PARM1: variants seen among roughly 807,000 people sequenced by gnomAD.
The protein encoded by PARM1 is prostate androgen-regulated mucin-like protein 1.
Under a neutral mutation model 24.6 loss-of-function variants are expected in PARM1, and 14 were observed. The ratio of observed to expected loss-of-function variants is 0.57; its 90% confidence interval spans 0.38 to 0.89. PARM1 has a LOEUF of 0.89. PARM1 is among the 40% of genes least tolerant of loss of function. PARM1 has a pLI of 0.00. For synonymous variants in PARM1, 179 were observed against 156.6 expected (o/e 1.14, Z -1.07); for missense variants, 362 against 380.4 (o/e 0.95, Z 0.40).
Position 75,012,684 on chromosome 4 carries a change from C to T in PARM1, c.303C>T (p.Asn101=). 1.2e-6 allele frequency: 2 copies of T among 1,613,990 alleles called. No individual in the cohort carries two copies. Among genetic ancestry groups the T allele is most frequent in the Non-Finnish European group, 1.7e-6 (2 of 1,179,882 alleles). Residue 101 remains asparagine (N), a synonymous_variant, in exon 2 of 4, where the codon AAC becomes AAT. Transcript: ENST00000307428. ...TSPGSNWEGT[N]TDPSPSGFSS... is the part of the protein sequence containing the mutation. ...CAGGTTCGAATTGGGAAGGCACAAA[C>T]ACAGACCCCTCACCTTCTGGGTTCT...
chr4:74,941,877 C>G (rs778812395), intron 1 of PARM1, among the ~76,000 whole-genome samples: 1 of 152,192 alleles, frequency 6.6e-6, no homozygotes, highest in Non-Finnish European at 1.5e-5. Context: ...TGAGAAGACT[C>G]TCCTTTAGAG....
At chr4:74,961,000 G>T (rs759388463) in intron 1 of PARM1, among the ~76,000 whole-genome samples, 1 of 147,646 alleles carries the variant, frequency 6.8e-6, no homozygotes, top group Non-Finnish European at 1.5e-5. Flanking sequence ...GCAAGACTCC[G>T]TCTCAAAAAA....
At chr4:74,938,199 A>G (rs532000940) in intron 1 of PARM1, among the ~76,000 whole-genome samples, 34 of 152,356 alleles carry the variant, frequency 2.2e-4, no homozygotes, top group Admixed American at 7.8e-4. Flanking sequence ...CATGAGAAAA[A>G]TATTGGTCAA....
intron 2 of PARM1, among the ~76,000 whole-genome samples, chr4:75,020,033 A>G (rs1578053298): frequency 1.3e-5 from 2 of 149,006 alleles, no homozygotes; most frequent in Non-Finnish European, 3.0e-5. Flanking sequence ...AAAAAAAAAA[A>G]AAAAGAAAAT....
chr4:74,981,699 AC>A lies in PARM1; in HGVS notation c.44-30722del, dbSNP rs1260801717. 2.0e-5 allele frequency among the ~76,000 whole-genome samples: 3 copies of A among 152,038 alleles called. No homozygotes were observed. The South Asian group carries it at 6.3e-4, about 32-fold the overall frequency. On this transcript the variant is annotated intron_variant, in intron 1 of 3. Coordinates refer to ENST00000307428, the MANE Select transcript of PARM1 (RefSeq NM_015393.4). Reference sequence around the variant, plus strand: ...AGACCAGCCTGGCCAAGATGGTGAAACCCCGTCTCTACTAAAACTACAAAAA... The same window carrying A: ...AGACCAGCCTGGCCAAGATGGTGAAACCCGTCTCTACTAAAACTACAAAAA...
chr4:74,942,331 G>C (rs188391624), intron 1 of PARM1, among the ~76,000 whole-genome samples: 4 of 152,276 alleles, frequency 2.6e-5, no homozygotes, highest in Admixed American at 2.6e-4. Flanking sequence ...ACTGTCCAAG[G>C]CTCTGGATAT....
chr4:75,006,304 T>TA (rs1722767788), intron 1 of PARM1, among the ~76,000 whole-genome samples: 1 of 124,892 alleles, frequency 8.0e-6, no homozygotes, highest in East Asian at 2.8e-4. Flanking sequence ...CCCCCCACCC[T>TA]ACGGCAGGCC....
chr4:74,961,611 A>G (rs571287316), intron 1 of PARM1, among the ~76,000 whole-genome samples: 34 of 152,226 alleles, frequency 2.2e-4, no homozygotes, highest in Non-Finnish European at 5.0e-4. Context: ...GATTATCAGC[A>G]TATTTTTCAT....
intron 3 of PARM1, among the ~76,000 whole-genome samples, chr4:75,035,050 AC>A (rs1463343772): frequency 6.6e-6 from 1 of 151,692 alleles, no homozygotes; most frequent in Non-Finnish European, 1.5e-5. Flanking sequence ...CCTTCCCCAG[AC>A]CCTGCAATCT....
chr4:74,956,490 A>G (rs1721637329), intron 1 of PARM1: 1 of 152,224 alleles, frequency 6.6e-6, no homozygotes. Context: ...CAAGCAAAGG[A>G]CAAATATATC....
intron 1 of PARM1, among the ~76,000 whole-genome samples, chr4:75,004,901 A>T (rs1560789262): frequency 6.6e-6 from 1 of 152,204 alleles, no homozygotes; most frequent in African/African-American, 2.4e-5. Flanking sequence ...TTAAAAGTTA[A>T]ACAGTGTTGC....
Position 75,046,181 on chromosome 4 carries a change from A to C in PARM1, c.867A>C (p.Arg289Ser). ...YLKIRHSSYG[R>S]LLDDHDYGSW... ...CCACCAGGCATTCCTCCTATGGAAG[A>C]CTTTTGGACGACCATGACTACGGGT... is the stretch of plus-strand genomic sequence containing the variant. Residue 289 changes from arginine (R) to serine (S), a missense_variant, in exon 4 of 4, where the codon AGA becomes AGC. Arg to Ser is a moderately radical substitution (Grantham distance 110, BLOSUM62 -1). Transcript: ENST00000307428. 1 of 1,612,774 alleles carries C rather than the reference A, an allele frequency of 6.2e-7. No homozygotes were observed.
chr4:75,037,868 G>T (rs1468055273), intron 3 of PARM1, among the ~76,000 whole-genome samples: 2 of 152,244 alleles, frequency 1.3e-5, no homozygotes, highest in African/African-American at 4.8e-5. Context: ...AGTAATGAAT[G>T]CAGAGTAACT....
intron 1 of PARM1, among the ~76,000 whole-genome samples, chr4:74,992,110 T>G (rs903443167): frequency 6.6e-6 from 1 of 152,094 alleles, no homozygotes; most frequent in Non-Finnish European, 1.5e-5. Context: ...ATGTGGAGTT[T>G]CCATTCCCTC....
chr4:74,957,390 T>G (rs1409673679), intron 1 of PARM1: 3 of 152,226 alleles, frequency 2.0e-5, no homozygotes, highest in Non-Finnish European at 2.9e-5. Flanking sequence ...GCATACCTTT[T>G]AGGACTGCTG....
At chr4:74,976,916 A>C (rs969336695) in intron 1 of PARM1, among the ~76,000 whole-genome samples, 4 of 152,192 alleles carry the variant, frequency 2.6e-5, no homozygotes, top group Non-Finnish European at 4.4e-5. Flanking sequence ...AACAACAACA[A>C]TATTGACAAG....
chr4:75,015,765 A>C (rs535338588), intron 2 of PARM1, among the ~76,000 whole-genome samples: 17 of 152,324 alleles, frequency 1.1e-4, no homozygotes, highest in African/African-American at 3.8e-4. Flanking sequence ...CACATGGCCC[A>C]GTGGCAGCAT....
chr4:74,953,808 C>G (rs892376423), intron 1 of PARM1, among the ~76,000 whole-genome samples: 1 of 152,122 alleles, frequency 6.6e-6, no homozygotes, highest in Non-Finnish European at 1.5e-5. Flanking sequence ...AACATCCTGG[C>G]CTCTCCAGAG....
At chr4:74,980,329 A>T (rs1317497834) in intron 1 of PARM1, among the ~76,000 whole-genome samples, 1 of 152,168 alleles carries the variant, frequency 6.6e-6, no homozygotes, top group Non-Finnish European at 1.5e-5. Context: ...ATAACACACA[A>T]GCAGAAAGCC....
Sources: allele counts gnomAD v4.1 joint callset (sites outside exome capture counted in the v4.1 genomes callset), GRCh38; gene constraint gnomAD v4.1.1; transcripts MANE v1.5; gene names NCBI Gene and HGNC (gene_info 2026-07-23, HGNC 2026-07-21).